The following NELL2 variants were observed in gnomAD, a reference collection of about 807,000 sequenced individuals.
The protein encoded by NELL2 is neural EGFL like 2.
Under a neutral mutation model 109.6 loss-of-function variants are expected in NELL2, and 41 were observed. The ratio of observed to expected loss-of-function variants is 0.37; its 90% confidence interval spans 0.29 to 0.49. NELL2 has a LOEUF of 0.49. Ranked by LOEUF, NELL2 falls within the 20% of genes least tolerant of loss-of-function variation. The pLI is 0.98. For synonymous variants in NELL2, 355 were observed against 344.7 expected (o/e 1.03, Z -0.33); for missense variants, 900 against 1,008.3 (o/e 0.89, Z 1.45).
intron 19 of NELL2, among the ~76,000 whole-genome samples, chr12:44,511,096 T>A (rs1251423537): frequency 6.6e-6 from 1 of 152,146 alleles, no homozygotes; most frequent in African/African-American, 2.4e-5. Flanking sequence ...CACCCATAAG[T>A]ATGTCTTAGG....
At chr12:44,703,672 G>T in intron 12 of NELL2, 54 bp downstream of exon 12, 3 of 1,593,570 alleles carry the variant, frequency 1.9e-6, no homozygotes, top group Non-Finnish European at 2.6e-6. Flanking sequence ...AATTTTGCAT[G>T]CAGTAATCCT....
intron 9 of NELL2, among the ~76,000 whole-genome samples, chr12:44,728,812 T>G (rs7975105): frequency 6.6e-6 from 1 of 152,118 alleles, no homozygotes; most frequent in Non-Finnish European, 1.5e-5. Flanking sequence ...GCAGGCAGAA[T>G]AGAGTACAAT....
intron 12 of NELL2, among the ~76,000 whole-genome samples, chr12:44,701,299 T>C (rs1949221112): frequency 6.6e-6 from 1 of 152,148 alleles, no homozygotes; most frequent in South Asian, 2.1e-4. Flanking sequence ...TGATGATATA[T>C]GTTCAACAAA....
At chr12:44,613,043 C>G (rs965326731) in intron 13 of NELL2, among the ~76,000 whole-genome samples, 1 of 151,924 alleles carries the variant, frequency 6.6e-6, no homozygotes, top group Non-Finnish European at 1.5e-5. Flanking sequence ...TGCATCCATG[C>G]CTTTACATAT....
chr12:44,731,798 T>C (rs1939384917), intron 9 of NELL2, among the ~76,000 whole-genome samples: 1 of 152,030 alleles, frequency 6.6e-6, no homozygotes, highest in Admixed American at 6.6e-5. Flanking sequence ...AAGGAAAAAG[T>C]AAAATTATCT....
chr12:44,779,785 G>A (rs1941886694), intron 4 of NELL2, 26 bp from the exon 5 acceptor site: 1 of 1,613,142 alleles, frequency 6.2e-7, no homozygotes, highest in South Asian at 1.1e-5. Flanking sequence ...ATCAAAGAAG[G>A]AACGTGAGTA....
intron 12 of NELL2, among the ~76,000 whole-genome samples, chr12:44,684,652 T>C (rs1214648385): frequency 6.6e-6 from 1 of 152,254 alleles, no homozygotes; most frequent in Non-Finnish European, 1.5e-5. Context: ...AACATCTTTA[T>C]TTCTGCCTTC....
intron 13 of NELL2, among the ~76,000 whole-genome samples, chr12:44,664,579 G>C (rs1441942447): frequency 6.6e-6 from 1 of 152,006 alleles, no homozygotes; most frequent in Non-Finnish European, 1.5e-5. Context: ...GGATTATGGA[G>C]TCTCTTTCCC....
chr12:44,820,422 C>A (rs923559514), intron 2 of NELL2, among the ~76,000 whole-genome samples: 29 of 152,036 alleles, frequency 1.9e-4, no homozygotes, highest in African/African-American at 6.5e-4. Context: ...TCCTGGCTAA[C>A]ATGGTGAAAC....
intron 15 of NELL2, among the ~76,000 whole-genome samples, chr12:44,587,923 G>A (rs894314180): frequency 4.6e-5 from 7 of 152,162 alleles, no homozygotes; most frequent in African/African-American, 7.2e-5. Flanking sequence ...AGGCCAAGGC[G>A]GGCGGATCAC....
chr12:44,731,527 T>C (rs1939370568), intron 9 of NELL2, among the ~76,000 whole-genome samples: 1 of 151,990 alleles, frequency 6.6e-6, no homozygotes, highest in African/African-American at 2.4e-5. Context: ...GAAAAAGCAT[T>C]TGACAGAATT....
intron 12 of NELL2, among the ~76,000 whole-genome samples, chr12:44,683,491 T>C (rs1017828654): frequency 1.3e-5 from 2 of 152,022 alleles, no homozygotes; most frequent in Non-Finnish European, 1.5e-5. Context: ...CATCCCTGTC[T>C]TGTGCCAGTT....
intron 2 of NELL2, among the ~76,000 whole-genome samples, chr12:44,861,198 C>G (rs1944831811): frequency 6.6e-6 from 1 of 152,138 alleles, no homozygotes; most frequent in Non-Finnish European, 1.5e-5. Flanking sequence ...CAGTGCCAGG[C>G]AGCACAGCAT....
intron 15 of NELL2, among the ~76,000 whole-genome samples, chr12:44,572,948 G>A (rs1321434963): frequency 6.6e-6 from 1 of 152,196 alleles, no homozygotes; most frequent in Non-Finnish European, 1.5e-5. Flanking sequence ...CTGGGAAAAA[G>A]CTGAAGAAAC....
intron 3 of NELL2, among the ~76,000 whole-genome samples, chr12:44,796,499 T>C (rs1449186742): frequency 6.6e-6 from 1 of 152,126 alleles, no homozygotes; most frequent in East Asian, 1.9e-4. Flanking sequence ...TTCTTAATAA[T>C]AACTTTTTAG....
upstream of NELL2, among the ~76,000 whole-genome samples, chr12:44,880,126 C>T (rs954209144): frequency 2.1e-5 from 3 of 139,620 alleles, no homozygotes; most frequent in Admixed American, 7.2e-5. Flanking sequence ...CACACACACA[C>T]ACACACACAC....
intron 13 of NELL2, among the ~76,000 whole-genome samples, chr12:44,650,824 G>T (rs1947275467): frequency 6.6e-6 from 1 of 152,094 alleles, no homozygotes; most frequent in Admixed American, 6.5e-5. Context: ...ACAGTGAAAA[G>T]GCAACTGTTT....
chr12:44,834,097 C>T (rs190718548), intron 2 of NELL2, among the ~76,000 whole-genome samples: 93 of 152,252 alleles, frequency 6.1e-4, no homozygotes, highest in African/African-American at 2.0e-3. Flanking sequence ...TTCTGAATTA[C>T]ATACAGATAT....
At chr12:44,722,369 T>C (rs976506866) in intron 9 of NELL2, among the ~76,000 whole-genome samples, 23 of 152,180 alleles carry the variant, frequency 1.5e-4, no homozygotes, top group African/African-American at 5.1e-4. Context: ...TCTCACTCTG[T>C]TGCCCAGGCT....
Sources: gnomAD v4.1 joint callset for allele counts (sites outside exome capture counted in the v4.1 genomes callset) on GRCh38, gnomAD v4.1.1 for gene constraint, MANE v1.5 for transcripts, NCBI Gene and HGNC (gene_info 2026-07-23, HGNC 2026-07-21) for gene names.